DOCK3: variants seen among roughly 807,000 people sequenced by gnomAD.
DOCK3 encodes the protein dedicator of cytokinesis protein 3.
In DOCK3, 60 loss-of-function variants were observed where a neutral mutation model predicts 265.6. The ratio of observed to expected loss-of-function variants is 0.23; its 90% CI spans 0.18 to 0.28. The LOEUF (loss-of-function observed/expected upper bound fraction) is 0.28. DOCK3 is among the 10% of genes least tolerant of loss of function. The pLI is 1.00. For missense variants in DOCK3, 1,981 were observed against 2,594.3 expected (o/e 0.76, Z 5.14); for synonymous variants, 881 against 938.0 (o/e 0.94, Z 1.11).
chr3:50,797,177 G>A (rs2042834941), intron 2 of DOCK3, among the ~76,000 whole-genome samples: 1 of 152,190 alleles, frequency 6.6e-6, no homozygotes, highest in Admixed American at 6.5e-5. Context: ...CACCACAGTG[G>A]AAGAGGCGGT....
chr3:51,124,510 G>T (rs1240562564), intron 9 of DOCK3, among the ~76,000 whole-genome samples: 4 of 152,264 alleles, frequency 2.6e-5, no homozygotes, highest in Admixed American at 2.0e-4. Context: ...AGCTGATTGT[G>T]CAGGGCCATG....
intron 3 of DOCK3, among the ~76,000 whole-genome samples, chr3:50,888,158 A>C (rs530096216): frequency 6.6e-6 from 1 of 152,292 alleles, no homozygotes; most frequent in East Asian, 1.9e-4. Flanking sequence ...CAACTTCAGC[A>C]AAGTCTCAGG....
At chr3:51,336,330 G>A (rs1321789639) in intron 35 of DOCK3, among the ~76,000 whole-genome samples, 1 of 150,494 alleles carries the variant, frequency 6.6e-6, no homozygotes, top group African/African-American at 2.5e-5. Context: ...AGCCCTAGAA[G>A]GGTTTTTTTG....
chr3:51,014,436 A>G (rs1473021326), intron 5 of DOCK3, among the ~76,000 whole-genome samples: 1 of 152,124 alleles, frequency 6.6e-6, no homozygotes, highest in Non-Finnish European at 1.5e-5. Context: ...TGCTTCCAGA[A>G]TCAGTTTCCT....
At chr3:50,949,940 C>T (rs1455227435) in intron 5 of DOCK3, among the ~76,000 whole-genome samples, 1 of 150,952 alleles carries the variant, frequency 6.6e-6, no homozygotes, top group Non-Finnish European at 1.5e-5. Context: ...TCTCTTTCTA[C>T]ACTTTTGTGG....
chr3:50,896,439 C>T (rs2048896086), intron 4 of DOCK3, among the ~76,000 whole-genome samples: 1 of 152,102 alleles, frequency 6.6e-6, no homozygotes, highest in Admixed American at 6.6e-5. Context: ...TGTAGGTTGC[C>T]TGTTCACTCT....
chr3:51,059,608 G>A (rs1036879653), intron 5 of DOCK3, among the ~76,000 whole-genome samples: 20 of 151,840 alleles, frequency 1.3e-4, no homozygotes, highest in Non-Finnish European at 1.5e-4. Flanking sequence ...GTTTTATATC[G>A]TTTGCTCTAT....
At chr3:50,778,412 T>C (rs752156935) in intron 1 of DOCK3, among the ~76,000 whole-genome samples, 3 of 152,200 alleles carry the variant, frequency 2.0e-5, no homozygotes, top group Non-Finnish European at 4.4e-5. Context: ...AGAGACTCTG[T>C]TAATAGAAAT....
At chr3:51,127,136 G>C (rs2084300701) in intron 9 of DOCK3, among the ~76,000 whole-genome samples, 2 of 152,112 alleles carry the variant, frequency 1.3e-5, no homozygotes, top group African/African-American at 4.8e-5. Context: ...TGGGTGGCTA[G>C]GCCAGTCTCT....
chr3:51,160,617 G>A lies in DOCK3; in HGVS notation c.952G>A (p.Gly318Ser), dbSNP rs1461019434. Residue 318 changes from glycine to serine, a missense_variant, in exon 12 of 53, where the codon GGC becomes AGC. Gly to Ser is a moderately conservative substitution (Grantham distance 56). This residue lies in a region of DOCK3 where 456 missense variants were observed against 539.0 expected (regional missense o/e 0.85). Transcript: ENST00000266037. ...PPHLHYRRPY[G>S]CAVLSILDVL... ...TCACCTGCACTACAGGCGACCATAT[G>A]GCTGTGCGGTCCTAAGCATCTTGGA... is the stretch of plus-strand genomic sequence containing the variant. 3 of 1,613,134 alleles carry A rather than the reference G, an allele frequency of 1.9e-6. No individual in the cohort carries two copies. The highest frequency in any genetic ancestry group is 2.2e-5 in the South Asian group (2 of 90,910).
At chr3:50,892,266 G>C (rs1294034386) in intron 4 of DOCK3, among the ~76,000 whole-genome samples, 2 of 152,020 alleles carry the variant, frequency 1.3e-5, no homozygotes, top group Non-Finnish European at 2.9e-5. Context: ...AGCCCAACCA[G>C]AAAATAGTAG....
At chr3:50,891,860 A>G (rs2048656866) in intron 4 of DOCK3, among the ~76,000 whole-genome samples, 1 of 152,084 alleles carries the variant, frequency 6.6e-6, no homozygotes, top group Admixed American at 6.6e-5. Context: ...TGTCCCATTT[A>G]TAATAGTTAT....
At chr3:50,860,197 C>G (rs1473245522) in intron 3 of DOCK3, among the ~76,000 whole-genome samples, 2 of 152,112 alleles carry the variant, frequency 1.3e-5, no homozygotes, top group African/African-American at 4.8e-5. Flanking sequence ...ATGGCCTGCT[C>G]TTTTTGGGTT....
At chr3:51,255,446 A>G (rs2108703821) in intron 22 of DOCK3, among the ~76,000 whole-genome samples, 1 of 152,308 alleles carries the variant, frequency 6.6e-6, no homozygotes, top group Admixed American at 6.5e-5. Flanking sequence ...CTCCTGGATA[A>G]TATCCTAAAG....
chr3:50,860,129 A>AG (rs2046836636), intron 3 of DOCK3, among the ~76,000 whole-genome samples: 1 of 152,152 alleles, frequency 6.6e-6, no homozygotes, highest in African/African-American at 2.4e-5. Context: ...GGCCCAAGTC[A>AG]GGGGTTCCTT....
chr3:50,859,006 G>A (rs147157747), intron 3 of DOCK3, among the ~76,000 whole-genome samples: 26 of 152,044 alleles, frequency 1.7e-4, no homozygotes, highest in African/African-American at 4.8e-4. Flanking sequence ...TGTCAGACCC[G>A]TTAGGTTCTT....
At chr3:51,060,195 A>AAG (rs2081362223) in intron 5 of DOCK3, among the ~76,000 whole-genome samples, 1 of 151,340 alleles carries the variant, frequency 6.6e-6, no homozygotes, top group South Asian at 2.1e-4. Context: ...ATAAAAAAAA[A>AAG]GAAACTGTTC....
intron 1 of DOCK3, among the ~76,000 whole-genome samples, chr3:50,760,017 A>G (rs2040426982): frequency 6.6e-6 from 1 of 151,906 alleles, no homozygotes; most frequent in South Asian, 2.1e-4. Context: ...AATTTTGATG[A>G]AGGCGGACTC....
intron 32 of DOCK3, among the ~76,000 whole-genome samples, chr3:51,326,871 T>G (rs2084163967): frequency 6.6e-6 from 1 of 152,078 alleles, no homozygotes. Flanking sequence ...GTGATCCACC[T>G]GCCTCCATCT....
Sources: gnomAD v4.1 joint callset for allele counts (sites outside exome capture counted in the v4.1 genomes callset) on GRCh38, gnomAD v4.1.1 for gene constraint, gnomAD v4.1.1 regional missense constraint, MANE v1.5 for transcripts, NCBI Gene and HGNC (gene_info 2026-07-23, HGNC 2026-07-21) for gene names.